PSD: variants seen among roughly 807,000 people sequenced by gnomAD.
PSD encodes the protein PH and SEC7 domain-containing protein 1.
Under a neutral mutation model 91.6 loss-of-function variants are expected in PSD, and 32 were observed. The observed-to-expected ratio is 0.35, with a 90% CI of 0.26 to 0.47. The LOEUF (loss-of-function observed/expected upper bound fraction) is 0.47. Among genes scored for constraint, PSD ranks in the 20% least tolerant of loss-of-function variants. The pLI is 1.00. For missense variants in PSD, 1,099 were observed against 1,373.9 expected, an observed-to-expected ratio of 0.80 and a Z score of 3.16; for synonymous variants, 532 against 569.3, an observed-to-expected ratio of 0.93 and a Z score of 0.93.
At chr10:102,419,419 G>C (rs2061528869), upstream of PSD, 1 of 153,048 alleles carries the variant, frequency 6.5e-6, no homozygotes, top group Admixed American at 6.5e-5. This position sits in a 1 kb window ranked among gnomAD's most constrained non-coding sequence, Gnocchi z 4.8. Flanking sequence ...CCAGGGGTAA[G>C]AGGTTAGACG....
intron 10 of PSD, among the ~76,000 whole-genome samples, chr10:102,407,675 C>T (rs1022868878): frequency 1.3e-5 from 2 of 152,270 alleles, no homozygotes; most frequent in East Asian, 1.9e-4. Flanking sequence ...CCCAACCACG[C>T]GCTCTGGCCT....
In PSD at chr10:102,403,923, G is replaced by A. The variant is rs2061321681; in HGVS notation, c.2763C>T (p.His921=). 5 of 1,593,168 alleles carry A rather than the reference G, an allele frequency of 3.1e-6. No individual in the cohort carries two copies. The highest frequency in any genetic ancestry group is 1.1e-5 in the South Asian group (1 of 88,374). Residue 921 remains histidine, a synonymous_variant, in exon 16 of 17, where the codon CAC becomes CAT. Coordinates refer to ENST00000020673, the MANE Select transcript of PSD (RefSeq NM_002779.5). This position sits in a 1 kb window ranked among gnomAD's most constrained non-coding sequence, Gnocchi z 6.7. ...LKAMASELRE[H]RAAQLGKKGR... ...CCTTCTTGCCCAGCTGGGCGGCCCG[G>A]TGCTCCCGCAGCTCACTTGCCATGG...
At position 102,404,250 on chromosome 10, in the gene PSD, G is replaced by T. The variant is rs576265565; in HGVS notation, c.2701-265C>A. The stretch of plus-strand genomic sequence containing the variant: ...GTAGTCCCAGCTACTCAGGAGGCTG[G>T]GGCAGGAGAACGGCGTGAACCCGGG... On this transcript the variant is annotated intron_variant, in intron 15 of 16. Coordinates refer to ENST00000020673, the MANE Select transcript of PSD (RefSeq NM_002779.5). The surrounding 1 kb of genome is among the most constrained non-coding windows in gnomAD (Gnocchi z 5.7). Among the ~76,000 whole-genome samples the T allele has an allele frequency of 6.6e-6, 1 of 152,030 alleles. No individual in the cohort carries two copies. Among genetic ancestry groups the T allele is most frequent in the South Asian group, 2.1e-4 (1 of 4,810 alleles).
chr10:102,408,693 A>G (rs2061390404), intron 10 of PSD, among the ~76,000 whole-genome samples: 1 of 152,200 alleles, frequency 6.6e-6, no homozygotes, highest in Non-Finnish European at 1.5e-5. Flanking sequence ...AATCTAGAAA[A>G]GCCTCTTCGG....
rs1432517215 is a variant in PSD at position 102,416,097 on chromosome 10, C to G, written c.677G>C (p.Arg226Pro). 6.2e-7 allele frequency: 1 copy of G among 1,613,472 alleles called. No homozygotes were observed. Among genetic ancestry groups the G allele is most frequent in the Non-Finnish European group, 8.5e-7 (1 of 1,179,788 alleles). Reference sequence around the variant, plus strand: ...TCTCTGGGCATGAGAGGAGACTTCCCGGGGGGAGGACCAGGTATCCCCCTG... The same window carrying G: ...TCTCTGGGCATGAGAGGAGACTTCCGGGGGGGAGGACCAGGTATCCCCCTG... ...LNQGDTWSSP[R>P]EVSSHAQRIA... is the part of the protein sequence containing the mutation. The change falls in exon 3 of 17, where the codon CGG (arginine) becomes CCG (proline). Residue 226 changes from arginine to proline, a missense_variant. Physicochemically the swap from Arg to Pro is moderately radical, Grantham distance 103 (BLOSUM62 -2). Around this residue, in one of 3 missense-constraint regions of PSD, gnomAD observed 631 missense variants for 728.8 expected, o/e 0.87. Transcript: ENST00000020673. The surrounding 1 kb of genome is among the most constrained non-coding windows in gnomAD (Gnocchi z 6.0).
rs1380414567 is a variant in PSD at position 102,416,449 on chromosome 10, C to T, written c.590G>A (p.Gly197Glu). ...TGTGGCCAGGCGCTCAGGGGGGCCC[C>T]CCAGCCCATTGGGGAGAGAGGAGTA... is the stretch of plus-strand genomic sequence containing the variant. ...GLYSSLPNGL[G>E]GPPERLATLF... Residue 197 changes from glycine to glutamate, a missense_variant, in exon 2 of 17, where the codon GGG becomes GAG. Gly to Glu is a moderately conservative substitution (Grantham distance 98). Coordinates refer to ENST00000020673, the MANE Select transcript of PSD (RefSeq NM_002779.5). This position sits in a 1 kb window ranked among gnomAD's most constrained non-coding sequence, Gnocchi z 6.0. 27 of 1,612,706 alleles carry T rather than the reference C, an allele frequency of 1.7e-5. No homozygotes were observed. The highest frequency in any genetic ancestry group is 2.2e-5 in the Non-Finnish European group (26 of 1,179,510).
At position 102,405,091 on chromosome 10, in the gene PSD, C is replaced by T. The variant is rs757051775; in HGVS notation, c.2398-36G>A. 1 of 1,611,276 alleles carries T rather than the reference C, an allele frequency of 6.2e-7. No homozygotes were observed. Among genetic ancestry groups the T allele is most frequent in the South Asian group, 1.1e-5 (1 of 90,882 alleles). ...GTCCATCTTGTCCTGGCCCCAAATG[C>T]AGCCTGGCCCAGCCCCTCCTATTCC... On this transcript the variant is annotated intron_variant, in intron 13 of 16. Coordinates refer to ENST00000020673, the MANE Select transcript of PSD (RefSeq NM_002779.5). The surrounding 1 kb of genome is among the most constrained non-coding windows in gnomAD (Gnocchi z 5.4).
At chr10:102,407,356 C>A in intron 10 of PSD, 90 bp from the exon 11 acceptor site, 1 of 842,956 alleles carries the variant, frequency 1.2e-6, no homozygotes, top group Non-Finnish European at 1.7e-6. Context: ...GAGAGATGAG[C>A]CAGAACTAAG....
In PSD at chr10:102,416,245, C is replaced by CA. The variant is rs2061479106; in HGVS notation, c.655-127dup. ...AGATGGAGGTTCAGAGACACAGAGA[C>CA]AAACACAGAGGGCAAGAGAGAGGCA... On this transcript the variant is annotated intron_variant, in intron 2 of 16. Coordinates refer to ENST00000020673, the MANE Select transcript of PSD (RefSeq NM_002779.5). The surrounding 1 kb of genome is among the most constrained non-coding windows in gnomAD (Gnocchi z 6.0). The CA allele has an allele frequency of 8.1e-7, 1 of 1,241,812 alleles. No homozygotes were observed. Among genetic ancestry groups the CA allele is most frequent in the Admixed American group, 2.2e-5 (1 of 45,944 alleles). 76.9% of individuals were successfully genotyped at this position (1,241,812 alleles called of 1,614,324 possible). A position where few individuals can be genotyped will look rare whatever the true frequency, so the allele number is the denominator to read the frequency against.
chr10:102,412,950 A>G (rs541712376), intron 5 of PSD, among the ~76,000 whole-genome samples: 10 of 152,324 alleles, frequency 6.6e-5, no homozygotes, highest in African/African-American at 2.2e-4. Flanking sequence ...TAGATGGGCT[A>G]CCACGGAGGA....
chr10:102,405,020 C>T lies in PSD; in HGVS notation c.2433G>A (p.Thr811=), dbSNP rs569894593. ...EYKPGKALSE[T]ELKNAISIHH... Reference sequence around the variant, plus strand: ...GGATGCTGATGGCATTCTTGAGCTCCGTCTCTGAAAGGGCCTTCCCAGGCT... The same window carrying T: ...GGATGCTGATGGCATTCTTGAGCTCTGTCTCTGAAAGGGCCTTCCCAGGCT... Residue 811 remains threonine, a synonymous_variant, in exon 14 of 17, where the codon ACG becomes ACA. Transcript: ENST00000020673. This position sits in a 1 kb window ranked among gnomAD's most constrained non-coding sequence, Gnocchi z 5.4. 28 of 1,614,032 alleles carry T rather than the reference C, an allele frequency of 1.7e-5. No homozygotes were observed. The highest frequency in any genetic ancestry group is 1.3e-4 in the South Asian group (12 of 91,078).
In PSD at chr10:102,405,526, C is replaced by G. The variant is rs775562455; in HGVS notation, c.2146G>C (p.Glu716Gln). The change falls in exon 12 of 17, where the codon GAG (glutamate) becomes CAG (glutamine). Residue 716 changes from glutamate to glutamine, a missense_variant. Coordinates refer to ENST00000020673, the MANE Select transcript of PSD (RefSeq NM_002779.5). The surrounding 1 kb of genome is among the most constrained non-coding windows in gnomAD (Gnocchi z 5.4). ...EKLQWAIDEE[E>Q]LRRSLSELAD... ...AACTCAGACAGAGAGCGTCTCAGCTCCTCCTCGTCTCTGCAGGTGTGATCA... is the reference window on the plus strand; with the variant it reads ...AACTCAGACAGAGAGCGTCTCAGCTGCTCCTCGTCTCTGCAGGTGTGATCA... 1 of 1,613,008 alleles carries G rather than the reference C, an allele frequency of 6.2e-7. No homozygotes were observed. Among genetic ancestry groups the G allele is most frequent in the South Asian group, 1.1e-5 (1 of 91,054 alleles).
intron 6 of PSD, 61 bp from the exon 7 acceptor site, chr10:102,412,288 G>A: frequency 6.2e-7 from 1 of 1,606,878 alleles, no homozygotes. Context: ...GTCAGGTGGG[G>A]ATTACCCAAT....
chr10:102,409,008 G>T lies in PSD; in HGVS notation c.2092-1742C>A, dbSNP rs993965341. 1 of 987,158 alleles carries T rather than the reference G, an allele frequency of 1.0e-6. No individual in the cohort carries two copies. The highest frequency in any genetic ancestry group is 1.2e-6 in the Non-Finnish European group (1 of 830,090). The allele number at this position is 987,158 out of a possible 1,614,324, so 61.1% of individuals were successfully genotyped here. A position where few individuals can be genotyped will look rare whatever the true frequency, so the allele number is the denominator to read the frequency against. On this transcript the variant is annotated intron_variant, in intron 10 of 16. Transcript: ENST00000020673. This position sits in a 1 kb window ranked among gnomAD's most constrained non-coding sequence, Gnocchi z 5.7. Reference sequence around the variant, plus strand: ...CCGTAGCACAGGGTCTCCGCGCCGCGGTGGGTGCGCCCGTAGCGCACGGAG... The same window carrying T: ...CCGTAGCACAGGGTCTCCGCGCCGCTGTGGGTGCGCCCGTAGCGCACGGAG...
At chr10:102,418,924 C>T (rs2061521836), upstream of PSD, 25 of 351,028 alleles carry the variant, frequency 7.1e-5, 1 homozygote, top group South Asian at 5.1e-4. Context: ...GCTAGGTCCC[C>T]GCTGGGCTCT....
upstream of PSD, chr10:102,418,855 C>T (rs2061520054): frequency 2.5e-6 from 1 of 392,286 alleles, no homozygotes; most frequent in African/African-American, 2.1e-5. Context: ...CGCTAATCCC[C>T]CCCACCCCCC....
In PSD at chr10:102,410,546, G is replaced by A. The variant is rs2135455463; in HGVS notation, c.2091+312C>T. Reference sequence around the variant, plus strand: ...CGCAACTCCCGCCTTCCACCCCAGCGCACACTGGAGGAGGGGAACTGAAGG... The same window carrying A: ...CGCAACTCCCGCCTTCCACCCCAGCACACACTGGAGGAGGGGAACTGAAGG... On this transcript the variant is annotated intron_variant, in intron 10 of 16. Transcript: ENST00000020673. The surrounding 1 kb of genome is among the most constrained non-coding windows in gnomAD (Gnocchi z 6.0). 6.6e-6 allele frequency among the ~76,000 whole-genome samples: 1 copy of A among 152,306 alleles called. No individual in the cohort carries two copies. Among genetic ancestry groups the A allele is most frequent in the South Asian group, 2.1e-4 (1 of 4,830 alleles).
intron 3 of PSD, 30 bp from the exon 4 acceptor site, chr10:102,415,259 A>T: frequency 6.4e-7 from 1 of 1,565,688 alleles, no homozygotes; most frequent in East Asian, 2.3e-5. Flanking sequence ...CCAGGTCAGG[A>T]GGTTATCCAC....
rs889835430 is a variant in PSD at position 102,416,577 on chromosome 10, G to A, written c.462C>T (p.Ser154=). ...CTCTGGCGGGGAGTGGGTCTGATGTGGATGCTTCCAGCCGTAACTTCCGGT... is the reference window on the plus strand; with the variant it reads ...CTCTGGCGGGGAGTGGGTCTGATGTAGATGCTTCCAGCCGTAACTTCCGGT... ...GSNRKLRLEA[S]TSDPLPARGG... is the part of the protein sequence containing the mutation. The change falls in exon 2 of 17, where the codon TCC becomes TCT. Residue 154 remains serine, a synonymous_variant. Transcript: ENST00000020673. This position sits in a 1 kb window ranked among gnomAD's most constrained non-coding sequence, Gnocchi z 6.0. 2 of 1,596,372 alleles carry A rather than the reference G, an allele frequency of 1.3e-6. No homozygotes were observed. The highest frequency in any genetic ancestry group is 1.3e-5 in the African/African-American group (1 of 74,402).
Sources: allele counts gnomAD v4.1 joint callset (sites outside exome capture counted in the v4.1 genomes callset), GRCh38; gene constraint gnomAD v4.1.1; regional missense constraint gnomAD v4.1.1; non-coding constraint Gnocchi (gnomAD v3.1); transcripts MANE v1.5; gene names NCBI Gene and HGNC (gene_info 2026-07-23, HGNC 2026-07-21).